Variants in CAMSAP1 observed in about 807,000 individuals in gnomAD.
The protein encoded by CAMSAP1 is calmodulin regulated spectrin associated protein 1.
A neutral mutation model predicts 143.5 loss-of-function variants in CAMSAP1; 58 were observed. That is an observed-to-expected ratio of 0.40 (90% CI 0.33 to 0.50). The LOEUF (loss-of-function observed/expected upper bound fraction) is 0.50, where lower values mean the gene tolerates loss of function less well. CAMSAP1 is among the 20% of genes least tolerant of loss of function. CAMSAP1 has a pLI of 0.45. For synonymous variants in CAMSAP1, 945 were observed against 859.3 expected, an observed-to-expected ratio of 1.10 and a Z score of -1.74; for missense variants, 1,969 against 2,115.7, an observed-to-expected ratio of 0.93 and a Z score of 1.36.
At chr9:135,877,025 A>G (rs181685991) in intron 3 of CAMSAP1, among the ~76,000 whole-genome samples, 38 of 152,230 alleles carry the variant, frequency 2.5e-4, no homozygotes, top group Admixed American at 1.9e-3. Flanking sequence ...GAAAGAAATA[A>G]AAATATATCT....
chr9:135,827,005 C>A (rs1046944586), intron 8 of CAMSAP1, among the ~76,000 whole-genome samples: 1 of 152,216 alleles, frequency 6.6e-6, no homozygotes, highest in Admixed American at 6.5e-5. Flanking sequence ...CAAACAAATT[C>A]TCTTCTTTGA....
At position 135,809,637 on chromosome 9, in the gene CAMSAP1, A is replaced by G. The variant is rs1213640892; in HGVS notation, c.*1672T>C. The G allele has an allele frequency of 6.5e-6, 1 of 152,676 alleles. No homozygotes were observed. Among genetic ancestry groups the G allele is most frequent in the African/African-American group, 2.4e-5 (1 of 41,462 alleles). 9.5% of individuals were successfully genotyped at this position (152,676 alleles called of 1,614,324 possible). A position where few individuals can be genotyped will look rare whatever the true frequency, so the allele number is the denominator to read the frequency against. On this transcript the variant is annotated 3_prime_UTR_variant, in exon 17 of 17. Coordinates refer to ENST00000389532, the MANE Select transcript of CAMSAP1 (RefSeq NM_015447.4). Reference sequence around the variant, plus strand: ...CTTAGTGCTTTCTTAAAATAAATACAGTAATATCATATCAAACATACAGTG... The same window carrying G: ...CTTAGTGCTTTCTTAAAATAAATACGGTAATATCATATCAAACATACAGTG...
At position 135,822,937 on chromosome 9, in the gene CAMSAP1, G is replaced by A; in HGVS notation, c.1724C>T (p.Ser575Phe). ...CGAGGTGTCCAGCTGTCCTTGGGGA[G>A]ACCGGGCATTTGCTGTAAGGCCTAA... is the stretch of plus-strand genomic sequence containing the variant. ...RALGLTANAR[S>F]PQGQLDTSES... Residue 575 changes from serine (S) to phenylalanine (F), a missense_variant, in exon 11 of 17, where the codon TCT (serine) becomes TTT (phenylalanine). Ser to Phe is a radical substitution (Grantham distance 155, BLOSUM62 -2). Coordinates refer to ENST00000389532, the MANE Select transcript of CAMSAP1 (RefSeq NM_015447.4). This position sits in a 1 kb window ranked among gnomAD's most constrained non-coding sequence, Gnocchi z 6.1. 7 of 1,613,998 alleles carry A rather than the reference G, an allele frequency of 4.3e-6. No individual in the cohort carries two copies. Among genetic ancestry groups the A allele is most frequent in the South Asian group, 1.1e-5 (1 of 91,074 alleles).
At chr9:135,898,405 G>A (rs573300930) in intron 1 of CAMSAP1, among the ~76,000 whole-genome samples, 1 of 152,274 alleles carries the variant, frequency 6.6e-6, no homozygotes, top group African/African-American at 2.4e-5. Context: ...AGCACTTTGG[G>A]AGGCTGAGAT....
At chr9:135,830,490 T>C (rs1317861962) in intron 7 of CAMSAP1, among the ~76,000 whole-genome samples, 1 of 152,202 alleles carries the variant, frequency 6.6e-6, no homozygotes, top group East Asian at 1.9e-4. Flanking sequence ...CAGAAAGCTG[T>C]AACAACTGTA....
At chr9:135,905,556 G>C (rs1019733597) in intron 1 of CAMSAP1, among the ~76,000 whole-genome samples, 3 of 152,190 alleles carry the variant, frequency 2.0e-5, no homozygotes, top group Non-Finnish European at 4.4e-5. Context: ...CAGCTGCGGT[G>C]AACAGTCCTC....
Position 135,824,904 on chromosome 9 carries a change from G to GA in CAMSAP1, c.1224-25dup. On this transcript the variant is annotated intron_variant, in intron 8 of 16. Coordinates refer to ENST00000389532, the MANE Select transcript of CAMSAP1 (RefSeq NM_015447.4). The surrounding 1 kb of genome is among the most constrained non-coding windows in gnomAD (Gnocchi z 4.1). ...CGCTAAATGGAAAAAGAATTACAGG[G>GA]AAAATCATTCCTTTATCAAACTTCA... The GA allele has an allele frequency of 6.5e-7, 1 of 1,541,930 alleles. No individual in the cohort carries two copies. The highest frequency in any genetic ancestry group is 1.2e-5 in the South Asian group (1 of 83,604).
In CAMSAP1 at chr9:135,823,188, G is replaced by A. The variant is rs762896568; in HGVS notation, c.1473C>T (p.Asp491=). ...TGATGGAGCGGGCCAAGCTGATGCT[G>A]TCGCCAGAGCTGGGATCCACTTCAC... ...ASCEVDPSSG[D]SISLARSISK... is the part of the protein sequence containing the mutation. Residue 491 remains aspartate, a synonymous_variant, in exon 11 of 17, where the codon GAC becomes GAT. Transcript: ENST00000389532. 6.3e-7 allele frequency: 1 copy of A among 1,597,412 alleles called. No individual in the cohort carries two copies.
At position 135,818,338 on chromosome 9, in the gene CAMSAP1, T is replaced by C. The variant is rs1229936948; in HGVS notation, c.4168+70A>G. On this transcript the variant is annotated intron_variant, in intron 13 of 16. Coordinates refer to ENST00000389532, the MANE Select transcript of CAMSAP1 (RefSeq NM_015447.4). This position sits in a 1 kb window ranked among gnomAD's most constrained non-coding sequence, Gnocchi z 7.7. ...ACCACTCTTGATGACAAAATTGAAATGAGCTGAAGAACGTGAGGCCGCCGC... is the reference window on the plus strand; with the variant it reads ...ACCACTCTTGATGACAAAATTGAAACGAGCTGAAGAACGTGAGGCCGCCGC... 2.1e-6 allele frequency: 3 copies of C among 1,454,422 alleles called. No homozygotes were observed. The highest frequency in any genetic ancestry group is 1.4e-5 in the African/African-American group (1 of 71,084). The allele number at this position is 1,454,422 out of a possible 1,614,324, so 90.1% of individuals were successfully genotyped here.
intron 1 of CAMSAP1, among the ~76,000 whole-genome samples, chr9:135,888,205 G>A (rs1838184268): frequency 6.6e-6 from 1 of 152,228 alleles, no homozygotes; most frequent in African/African-American, 2.4e-5. Context: ...CTCCTGCCCT[G>A]CGCCAGCTGA....
intron 7 of CAMSAP1, among the ~76,000 whole-genome samples, chr9:135,845,234 T>C (rs1228765558): frequency 1.3e-5 from 2 of 152,054 alleles, no homozygotes; most frequent in Non-Finnish European, 2.9e-5. Flanking sequence ...ATAAACGTAA[T>C]CCATCACATA....
chr9:135,814,566 G>C (rs564357108), intron 16 of CAMSAP1, among the ~76,000 whole-genome samples: 1 of 152,156 alleles, frequency 6.6e-6, no homozygotes, highest in Non-Finnish European at 1.5e-5. Context: ...TGCACACTGG[G>C]TGCTCCGGAG....
At position 135,881,854 on chromosome 9, in the gene CAMSAP1, G is replaced by A. The variant is rs533433355; in HGVS notation, c.424-60C>T. On this transcript the variant is annotated intron_variant, in intron 2 of 16. Coordinates refer to ENST00000389532, the MANE Select transcript of CAMSAP1 (RefSeq NM_015447.4). ...CCCACCCCTCTTACCAGGTTCTGAT[G>A]CAGGGAACCTGCTCATACTCAGCAT... 30 of 1,524,510 alleles carry A rather than the reference G, an allele frequency of 2.0e-5. 1 individual carries two copies. In the South Asian group the frequency reaches 3.4e-4, roughly 17 times the overall value. 94.4% of individuals were successfully genotyped at this position (1,524,510 alleles called of 1,614,324 possible). A position where few individuals can be genotyped will look rare whatever the true frequency, so the allele number is the denominator to read the frequency against.
chr9:135,836,860 T>G (rs1836072043), intron 7 of CAMSAP1: 14 of 978,660 alleles, frequency 1.4e-5, no homozygotes, highest in Middle Eastern at 5.4e-4. Context: ...TCATGCACTT[T>G]CTACCCATTC....
intron 16 of CAMSAP1, among the ~76,000 whole-genome samples, chr9:135,813,584 A>G (rs1835127532): frequency 6.6e-6 from 1 of 152,188 alleles, no homozygotes; most frequent in Non-Finnish European, 1.5e-5. Flanking sequence ...CACGATAAGG[A>G]AGCGTGTGGT....
intron 8 of CAMSAP1, 141 bp from the exon 9 acceptor site, chr9:135,825,021 A>T (rs1279148138): frequency 2.6e-5 from 18 of 700,152 alleles, no homozygotes; most frequent in Non-Finnish European, 3.8e-5. Context: ...AAATGACAAT[A>T]AAAATGAGCC....
At chr9:135,845,068 A>G (rs774450956) in intron 7 of CAMSAP1, among the ~76,000 whole-genome samples, 1 of 152,106 alleles carries the variant, frequency 6.6e-6, no homozygotes, top group Non-Finnish European at 1.5e-5. Flanking sequence ...CACAACAAAA[A>G]AAAATTTCAG....
intron 8 of CAMSAP1, among the ~76,000 whole-genome samples, chr9:135,825,556 G>A (rs1232516213): frequency 6.6e-6 from 1 of 152,230 alleles, no homozygotes; most frequent in Non-Finnish European, 1.5e-5. Context: ...AACGGCACAT[G>A]CAGGAAAGGC....
intron 7 of CAMSAP1, among the ~76,000 whole-genome samples, chr9:135,831,149 G>A (rs1835846569): frequency 6.6e-6 from 1 of 152,304 alleles, no homozygotes; most frequent in East Asian, 1.9e-4. Context: ...GTGACAGAGT[G>A]AGACTCCGTC....
Sources: gnomAD v4.1 joint callset for allele counts (sites outside exome capture counted in the v4.1 genomes callset) on GRCh38, gnomAD v4.1.1 for gene constraint, Gnocchi (gnomAD v3.1) non-coding constraint, MANE v1.5 for transcripts, NCBI Gene and HGNC (gene_info 2026-07-23, HGNC 2026-07-21) for gene names.